CYP2S1: variants seen among roughly 807,000 people sequenced by gnomAD.
The protein encoded by CYP2S1 is cytochrome P450 2S1.
Under a neutral mutation model 43.5 loss-of-function variants are expected in CYP2S1, and 32 were observed. The observed-to-expected ratio is 0.74, with a 90% CI of 0.56 to 0.99. The LOEUF is 0.99. Among genes scored for constraint, CYP2S1 ranks in the 50% least tolerant of loss-of-function variants. The pLI is 0.00. For missense variants in CYP2S1, 575 were observed against 673.9 expected, an observed-to-expected ratio of 0.85 and a Z score of 1.62; for synonymous variants, 283 against 302.9, an observed-to-expected ratio of 0.93 and a Z score of 0.68.
Position 41,193,436 on chromosome 19 carries a change from A to C in CYP2S1, c.172A>C (p.Met58Leu), listed in dbSNP as rs929716286. ...LRPGALYSGL[M>L]RLSKKYGPVF... ...GCCCGGGGCGCTGTATTCAGGGCTC[A>C]TGCGGGTAAGGGGCTCTGGGGACGT... The change falls in exon 1 of 9, where the codon ATG becomes CTG. Residue 58 changes from methionine to leucine, a missense_variant. This residue lies in a region of CYP2S1 where 353 missense variants were observed against 367.6 expected (regional missense o/e 0.96). Transcript: ENST00000310054. The C allele has an allele frequency of 2.5e-5, 37 of 1,461,162 alleles. No homozygotes were observed. Among genetic ancestry groups the C allele is most frequent in the Non-Finnish European group, 3.4e-5 (37 of 1,102,576 alleles). 90.5% of individuals were successfully genotyped at this position (1,461,162 alleles called of 1,614,324 possible).
At chr19:41,199,848 T>TA (rs1376339512) in intron 5 of CYP2S1, among the ~76,000 whole-genome samples, 1 of 151,342 alleles carries the variant, frequency 6.6e-6, no homozygotes, top group African/African-American at 2.4e-5. Context: ...CACATGCCTG[T>TA]AATCCCAGCT....
chr19:41,194,218 T>TG (rs1387618265), intron 1 of CYP2S1, among the ~76,000 whole-genome samples: 6 of 151,474 alleles, frequency 4.0e-5, no homozygotes, highest in African/African-American at 4.9e-5. Flanking sequence ...GCTGGATATT[T>TG]GGGGGGCAGG....
rs1020421821 is a variant in CYP2S1, at chr19:41,207,083, C to A, written c.*595C>A. The A allele has an allele frequency of 6.1e-5, 20 of 327,448 alleles. No homozygotes were observed. Among genetic ancestry groups the A allele is most frequent in the African/African-American group, 3.9e-4 (18 of 46,356 alleles). 20.3% of individuals were successfully genotyped at this position (327,448 alleles called of 1,614,324 possible). On this transcript the variant is annotated 3_prime_UTR_variant, in exon 9 of 9. Transcript: ENST00000310054. ...ACTTGTCCACACAGCTACCCACGTA[C>A]GACATCGTCCTGGCTCCCCAGAGTA...
rs763906465 is a variant in CYP2S1, at chr19:41,193,329, C to T, written c.65C>T (p.Ala22Val). 1 of 1,540,976 alleles carries T rather than the reference C, an allele frequency of 6.5e-7. No homozygotes were observed. Among genetic ancestry groups the T allele is most frequent in the South Asian group, 1.2e-5 (1 of 83,696 alleles). ...ALALLLLLTLALSGTRARGHL... is the reference protein window; with the variant it reads ...ALALLLLLTLVLSGTRARGHL... ...GCGCTGCTCCTGCTGCTGACGCTGG[C>T]GCTGTCCGGGACCAGGGCCCGAGGC... The change falls in exon 1 of 9, where the codon GCG becomes GTG. Residue 22 changes from alanine to valine, a missense_variant. By Grantham distance (64) the Ala-to-Val change is moderately conservative (BLOSUM62 0). Coordinates refer to ENST00000310054, the MANE Select transcript of CYP2S1 (RefSeq NM_030622.8).
intron 2 of CYP2S1, among the ~76,000 whole-genome samples, chr19:41,195,303 G>C (rs2033397575): frequency 6.6e-6 from 1 of 152,154 alleles, no homozygotes; most frequent in Non-Finnish European, 1.5e-5. Flanking sequence ...GGGATTGGTG[G>C]GCAAGCCCTC....
At chr19:41,205,402 C>CTCTT (rs1277671808) in intron 7 of CYP2S1, among the ~76,000 whole-genome samples, 110 of 100,100 alleles carry the variant, frequency 1.1e-3, no homozygotes, top group Admixed American at 3.5e-3. Flanking sequence ...CTTTCTTTCT[C>CTCTT]TCTTTCTTTC....
Position 41,205,960 on chromosome 19 carries a change from C to T in CYP2S1, c.1167C>T (p.Gly389=), listed in dbSNP as rs752962462. 6 of 1,613,688 alleles carry T rather than the reference C, an allele frequency of 3.7e-6. No individual in the cohort carries two copies. Among genetic ancestry groups the T allele is most frequent in the Non-Finnish European group, 5.1e-6 (6 of 1,179,862 alleles). The stretch of plus-strand genomic sequence containing the variant: ...GTTTCATTATTATTTCCCCTCAGGG[C>T]ACGGAGGTCTTCCCCCTCCTTGGCT... The part of the protein sequence containing the change: ...TRFRGYTLPQ[G]TEVFPLLGSI... Residue 389 remains glycine (G), a splice_region_variant and synonymous_variant, in exon 8 of 9, where the codon GGC becomes GGT. Transcript: ENST00000310054.
intron 2 of CYP2S1, among the ~76,000 whole-genome samples, chr19:41,195,885 A>AAAAC (rs751828595): frequency 2.0e-5 from 3 of 151,978 alleles, no homozygotes; most frequent in Non-Finnish European, 4.4e-5. Context: ...CTGCCTCCAC[A>AAAAC]AAACAAACAA....
At chr19:41,195,787 C>T (rs1040321683) in intron 2 of CYP2S1, among the ~76,000 whole-genome samples, 11 of 152,108 alleles carry the variant, frequency 7.2e-5, no homozygotes, top group African/African-American at 2.7e-4. Flanking sequence ...CTGGCTCATG[C>T]CTGTAATCCC....
chr19:41,197,323 C>G (rs1249280410), intron 2 of CYP2S1, among the ~76,000 whole-genome samples: 1 of 152,174 alleles, frequency 6.6e-6, no homozygotes, highest in Non-Finnish European at 1.5e-5. Flanking sequence ...TTATTGAGCA[C>G]CTACTGAGTC....
Position 41,206,599 on chromosome 19 carries a change from C to G in CYP2S1, c.*111C>G. On this transcript the variant is annotated 3_prime_UTR_variant, in exon 9 of 9. Coordinates refer to ENST00000310054, the MANE Select transcript of CYP2S1 (RefSeq NM_030622.8). The stretch of plus-strand genomic sequence containing the variant: ...TGTACACTGCAGGCAGCCACATTTA[C>G]ACGCCTGCAGTTGTTTTCCGGAGTC... 5.3e-6 allele frequency: 7 copies of G among 1,332,924 alleles called. No individual in the cohort carries two copies. Among genetic ancestry groups the G allele is most frequent in the Non-Finnish European group, 7.5e-6 (7 of 931,438 alleles). The allele number at this position is 1,332,924 out of a possible 1,614,324, so 82.6% of individuals were successfully genotyped here.
Position 41,206,439 on chromosome 19 carries a change from A to C in CYP2S1, c.1466A>C (p.Gln489Pro). The C allele has an allele frequency of 6.2e-7, 1 of 1,614,082 alleles. No homozygotes were observed. The highest frequency in any genetic ancestry group is 8.5e-7 in the Non-Finnish European group (1 of 1,180,026). The change falls in exon 9 of 9, where the codon CAG (glutamine) becomes CCG (proline). Residue 489 changes from glutamine to proline, a missense_variant. Gln to Pro is a moderately conservative substitution (Grantham distance 76). This residue lies in a region of CYP2S1 where 222 missense variants were observed against 306.3 expected (regional missense o/e 0.72). Coordinates refer to ENST00000310054, the MANE Select transcript of CYP2S1 (RefSeq NM_030622.8). ...CTTTTCAACATTCCCCCAGCCTTCC[A>C]GCTGCAAGTCCGTCCCACTGACCTT... ...SGLFNIPPAF[Q>P]LQVRPTDLHS...
chr19:41,202,189 T>C (rs976028571), intron 6 of CYP2S1, among the ~76,000 whole-genome samples: 1 of 152,074 alleles, frequency 6.6e-6, no homozygotes, highest in Non-Finnish European at 1.5e-5. Context: ...GGTTTCCCCA[T>C]GTTGGCCAGG....
chr19:41,197,124 GGCAGA>G (rs1487314840), intron 2 of CYP2S1, among the ~76,000 whole-genome samples: 6 of 152,122 alleles, frequency 3.9e-5, no homozygotes, highest in African/African-American at 1.4e-4. Context: ...GAACCCGAGA[GGCAGA>G]GGTTGCGGTG....
chr19:41,203,375 C>A, intron 6 of CYP2S1, 75 bp from the exon 7 acceptor site: 1 of 1,446,156 alleles, frequency 6.9e-7, no homozygotes, highest in East Asian at 2.6e-5. Flanking sequence ...TACAGCTATG[C>A]AAGCAGATGG....
intron 2 of CYP2S1, among the ~76,000 whole-genome samples, chr19:41,196,569 T>C (rs1348882520): frequency 2.0e-5 from 3 of 151,586 alleles, no homozygotes; most frequent in African/African-American, 7.3e-5. Context: ...GAAGGAGTAA[T>C]TGGGAGAGGC....
At chr19:41,203,703 G>A in intron 7 of CYP2S1, 66 bp downstream of exon 7, 2 of 1,423,088 alleles carry the variant, frequency 1.4e-6, no homozygotes, top group Non-Finnish European at 9.3e-7. Context: ...GTGGTTTGCT[G>A]TCAGTGTCTC....
chr19:41,203,758 T>C, intron 7 of CYP2S1, 121 bp downstream of exon 7: 1 of 1,020,738 alleles, frequency 9.8e-7, no homozygotes, highest in Non-Finnish European at 1.3e-6. Flanking sequence ...TCTCTCTCTG[T>C]CTTTATCTCC....
intron 1 of CYP2S1, 111 bp from the exon 2 acceptor site, chr19:41,194,433 G>T (rs1180125316): frequency 5.1e-6 from 7 of 1,362,712 alleles, no homozygotes; most frequent in Non-Finnish European, 6.8e-6. Context: ...GTTCCTGGTA[G>T]AGGGCGTAGA....
Sources: gnomAD v4.1 joint callset for allele counts (sites outside exome capture counted in the v4.1 genomes callset) on GRCh38, gnomAD v4.1.1 for gene constraint, gnomAD v4.1.1 regional missense constraint, MANE v1.5 for transcripts, NCBI Gene and HGNC (gene_info 2026-07-23, HGNC 2026-07-21) for gene names.